The following ZNF536 variants were observed in gnomAD, a reference collection of about 807,000 sequenced individuals.
ZNF536 encodes zinc finger protein 536.
In ZNF536, 13 loss-of-function variants were observed where a neutral mutation model predicts 84.5. The ratio of observed to expected loss-of-function variants is 0.15; its 90% CI spans 0.10 to 0.24. The LOEUF is 0.24. Among genes scored for constraint, ZNF536 ranks in the 10% least tolerant of loss-of-function variants. The pLI is 1.00. For missense variants in ZNF536, 1,536 were observed against 1,747.5 expected (o/e 0.88, Z 2.16); for synonymous variants, 811 against 742.5 (o/e 1.09, Z -1.50).
rs951081577 is a variant in ZNF536 at position 30,662,962 on chromosome 19, C to CTTTTT, written c.170-47775_170-47771dup. On this transcript the variant is annotated intron_variant, in intron 1 of 1. Coordinates refer to the ZNF536 transcript ENST00000592773. ...CTTTCTTTCTTTTTCTTTTTCGTTTCTTTTTTTTTTTTTTTTTTTTTTTTA... is the reference window on the plus strand; with the variant it reads ...CTTTCTTTCTTTTTCTTTTTCGTTTCTTTTTTTTTTTTTTTTTTTTTTTTTTTTTA... Among the ~76,000 whole-genome samples the CTTTTT allele has an allele frequency of 7.0e-3, 550 of 78,300 alleles. 3 individuals are homozygous for CTTTTT. Among genetic ancestry groups the CTTTTT allele is most frequent in the African/African-American group, 0.015 (306 of 20,452 alleles). The allele number at this position is 78,300 out of a possible 152,430, so 51.4% of individuals were successfully genotyped here. A position where few individuals can be genotyped will look rare whatever the true frequency, so the allele number is the denominator to read the frequency against.
At chr19:30,442,930 A>G (rs1301901339) in intron 1 of ZNF536, among the ~76,000 whole-genome samples, 1 of 152,234 alleles carries the variant, frequency 6.6e-6, no homozygotes, top group Non-Finnish European at 1.5e-5. Flanking sequence ...TGTTGACTAA[A>G]GCAAAATCCC....
intron 2 of ZNF536, among the ~76,000 whole-genome samples, chr19:30,316,398 G>A (rs564378427): frequency 2.0e-5 from 3 of 152,190 alleles, no homozygotes; most frequent in East Asian, 3.9e-4. Context: ...TATCTGTATT[G>A]CCCACTCTAA....
intron 1 of ZNF536, among the ~76,000 whole-genome samples, chr19:30,683,685 T>C (rs1360230762): frequency 6.6e-6 from 1 of 152,216 alleles, no homozygotes; most frequent in African/African-American, 2.4e-5. Context: ...TTCAAAGACA[T>C]GACCTTTCTA....
intron 2 of ZNF536, among the ~76,000 whole-genome samples, chr19:30,491,106 A>T (rs890885715): frequency 6.6e-6 from 1 of 152,152 alleles, no homozygotes; most frequent in South Asian, 2.1e-4. Context: ...ATGTCGCTAG[A>T]GACAATGTTG....
At chr19:30,493,721 C>A (rs1275888889) in intron 2 of ZNF536, among the ~76,000 whole-genome samples, 1 of 152,102 alleles carries the variant, frequency 6.6e-6, no homozygotes, top group African/African-American at 2.4e-5. Context: ...GGAAAAAAAT[C>A]GTATCATGAT....
chr19:30,404,548 T>C (rs2050187264), intron 1 of ZNF536, among the ~76,000 whole-genome samples: 2 of 152,172 alleles, frequency 1.3e-5, no homozygotes, highest in Non-Finnish European at 2.9e-5. Context: ...GTAGTAAAAC[T>C]CACTGATAGA....
At chr19:30,505,106 C>G (rs1201989302) in intron 2 of ZNF536, among the ~76,000 whole-genome samples, 1 of 151,814 alleles carries the variant, frequency 6.6e-6, no homozygotes, top group Non-Finnish European at 1.5e-5. Flanking sequence ...TATATTTATA[C>G]AAAGTTGAAG....
intron 1 of ZNF536, among the ~76,000 whole-genome samples, chr19:30,272,597 A>C (rs984744569): frequency 3.3e-5 from 5 of 152,186 alleles, no homozygotes; most frequent in Non-Finnish European, 7.4e-5. Flanking sequence ...AACCTCTGGC[A>C]ACCCTGGTCT....
intron 1 of ZNF536, among the ~76,000 whole-genome samples, chr19:30,656,560 G>A (rs2049923517): frequency 6.6e-6 from 1 of 152,210 alleles, no homozygotes; most frequent in African/African-American, 2.4e-5. Flanking sequence ...CCGGAGCAGT[G>A]AGGTTAGTTC....
At chr19:30,252,013 C>T (rs2024638059) in intron 1 of ZNF536, among the ~76,000 whole-genome samples, 1 of 152,158 alleles carries the variant, frequency 6.6e-6, no homozygotes, top group Non-Finnish European at 1.5e-5. Context: ...AGACAACCCA[C>T]AGAGTGGGAG....
intron 2 of ZNF536, among the ~76,000 whole-genome samples, chr19:30,512,093 T>A (rs2145547691): frequency 6.6e-6 from 1 of 152,358 alleles, no homozygotes; most frequent in East Asian, 1.9e-4. Context: ...AAACTTAAAA[T>A]GATGAAAAGT....
intron 1 of ZNF536, among the ~76,000 whole-genome samples, chr19:30,435,815 A>G (rs1208376284): frequency 6.6e-6 from 1 of 151,744 alleles, no homozygotes; most frequent in Non-Finnish European, 1.5e-5. Flanking sequence ...CTTTGTTGCC[A>G]TTTTTCTTTT....
At chr19:30,308,739 G>A (rs1384736583) in intron 2 of ZNF536, among the ~76,000 whole-genome samples, 3 of 152,192 alleles carry the variant, frequency 2.0e-5, no homozygotes, top group Non-Finnish European at 2.9e-5. Flanking sequence ...GCCACTGGAA[G>A]TCACTCTGTG....
intron 2 of ZNF536, among the ~76,000 whole-genome samples, chr19:30,482,090 A>T (rs2054113415): frequency 6.6e-6 from 1 of 152,168 alleles, no homozygotes; most frequent in African/African-American, 2.4e-5. Flanking sequence ...TTGATTCCAT[A>T]TCTTTGCAAT....
At chr19:30,653,824 ACCC>A (rs1410902622) in intron 1 of ZNF536, among the ~76,000 whole-genome samples, 1 of 151,976 alleles carries the variant, frequency 6.6e-6, no homozygotes, top group Non-Finnish European at 1.5e-5. Context: ...GGGAAGTTAG[ACCC>A]CAGGAAAAGA....
At chr19:30,239,813 A>C (rs916595803) in intron 1 of ZNF536, among the ~76,000 whole-genome samples, 1 of 152,094 alleles carries the variant, frequency 6.6e-6, no homozygotes, top group Non-Finnish European at 1.5e-5. Context: ...TTCAGGCATC[A>C]GTCCAAATCC....
Position 30,473,327 on chromosome 19 carries a change from G to A in ZNF536, c.2170+27595G>A, listed in dbSNP as rs139289556. On this transcript the variant is annotated intron_variant, in intron 2 of 4. Transcript: ENST00000355537. ...CTGATACAGTTCCCCCTAGAAATTA[G>A]ATATCCTTTGGTGTTTTAGCCCAGC... 3.4e-3 allele frequency among the ~76,000 whole-genome samples: 513 copies of A among 152,194 alleles called. 3 individuals are homozygous for A. The highest frequency in any genetic ancestry group is 0.012 in the African/African-American group (492 of 41,522).
chr19:30,581,260 T>G lies in ZNF536; in HGVS notation c.169+31746T>G, dbSNP rs539389947. Among the ~76,000 whole-genome samples, 13 of 152,280 alleles carry G rather than the reference T, an allele frequency of 8.5e-5. 2 individuals carry two copies. The South Asian group carries it at 2.7e-3, about 32-fold the overall frequency. Reference sequence around the variant, plus strand: ...TGAGAGGCAAGGCGGGAGAATCACTTGAGGTCAGGAGTTTGAGACCAGTCT... The same window carrying G: ...TGAGAGGCAAGGCGGGAGAATCACTGGAGGTCAGGAGTTTGAGACCAGTCT... On this transcript the variant is annotated intron_variant, in intron 1 of 1. Transcript: ENST00000592773.
intron 1 of ZNF536, among the ~76,000 whole-genome samples, chr19:30,257,953 C>T (rs191308809): frequency 3.9e-5 from 6 of 152,312 alleles, no homozygotes; most frequent in Non-Finnish European, 7.4e-5. Flanking sequence ...AGCAAGCCAT[C>T]CTGTCACTAG....
Sources: allele counts gnomAD v4.1 joint callset (sites outside exome capture counted in the v4.1 genomes callset), GRCh38; gene constraint gnomAD v4.1.1; transcripts MANE v1.5; gene names NCBI Gene and HGNC (gene_info 2026-07-23, HGNC 2026-07-21).